Variants in NFE2L2 observed in about 807,000 individuals in gnomAD.
The protein encoded by NFE2L2 is nuclear factor erythroid 2-related factor 2.
A neutral mutation model predicts 49.6 loss-of-function variants in NFE2L2; 20 were observed. The observed-to-expected ratio is 0.40, with a 90% CI of 0.28 to 0.59. The LOEUF (loss-of-function observed/expected upper bound fraction) is 0.59, where lower values mean the gene tolerates loss of function less well. Among genes scored for constraint, NFE2L2 ranks in the 20% least tolerant of loss-of-function variants. NFE2L2 has a pLI of 0.40. For missense variants in NFE2L2, 578 were observed against 714.2 expected (o/e 0.81, Z 2.17); for synonymous variants, 244 against 256.5 (o/e 0.95, Z 0.47).
chr2:177,232,156 T>C, intron 4 of NFE2L2, 148 bp from the exon 5 acceptor site: 5 of 954,682 alleles, frequency 5.2e-6, no homozygotes, highest in Admixed American at 3.0e-5. Context: ...TCATTTCCAA[T>C]ACATATTTAC....
intron 1 of NFE2L2, chr2:177,263,889 T>C (rs960402301): frequency 1.0e-6 from 1 of 985,268 alleles, no homozygotes; most frequent in African/African-American, 1.7e-5. Flanking sequence ...GGGCTGGGCT[T>C]TCAAGAGAGC....
rs1255280205 is a variant in NFE2L2 at position 177,249,161 on chromosome 2, G to A, written c.46-14890C>T. Among the ~76,000 whole-genome samples, 8 of 152,144 alleles carry A rather than the reference G, an allele frequency of 5.3e-5. No individual in the cohort carries two copies. The East Asian group carries it at 1.5e-3, about 29-fold the overall frequency. On this transcript the variant is annotated intron_variant, in intron 1 of 4. Coordinates refer to ENST00000397062, the MANE Select transcript of NFE2L2 (RefSeq NM_006164.5). ...TGGAGCCCAGGAGGTTGAGGCTGCA[G>A]TGAACCATGTTTCTGCCACTATACT...
At chr2:177,245,607 A>G (rs537997838) in intron 1 of NFE2L2, among the ~76,000 whole-genome samples, 2 of 151,162 alleles carry the variant, frequency 1.3e-5, no homozygotes, top group African/African-American at 4.9e-5. Context: ...TGGGCCAGGT[A>G]TTGTAGTCTT....
At chr2:177,237,416 A>G (rs1187693296) in intron 1 of NFE2L2, among the ~76,000 whole-genome samples, 1 of 152,248 alleles carries the variant, frequency 6.6e-6, no homozygotes, top group East Asian at 1.9e-4. Flanking sequence ...TAGGTATGAG[A>G]ATAATTTCTA....
chr2:177,260,788 G>T (rs1227782958), intron 1 of NFE2L2, among the ~76,000 whole-genome samples: 5 of 115,498 alleles, frequency 4.3e-5, no homozygotes, highest in African/African-American at 1.1e-4. Flanking sequence ...GTAGCTAAGA[G>T]ATTTAATTAA....
At chr2:177,261,053 C>A (rs1331777516) in intron 1 of NFE2L2, among the ~76,000 whole-genome samples, 1 of 151,608 alleles carries the variant, frequency 6.6e-6, no homozygotes, top group Non-Finnish European at 1.5e-5. Flanking sequence ...TGCCTATAAT[C>A]CCAGCTACTC....
intron 1 of NFE2L2, among the ~76,000 whole-genome samples, chr2:177,259,569 T>C (rs1238769663): frequency 6.6e-6 from 1 of 152,268 alleles, no homozygotes; most frequent in East Asian, 1.9e-4. Context: ...CACAGAAGGC[T>C]CAAACTTTAG....
intron 1 of NFE2L2, among the ~76,000 whole-genome samples, chr2:177,251,232 G>C (rs1325627772): frequency 6.6e-6 from 1 of 152,184 alleles, no homozygotes; most frequent in Non-Finnish European, 1.5e-5. Flanking sequence ...TATTACAAAA[G>C]AAGTGTCTTA....
intron 1 of NFE2L2, among the ~76,000 whole-genome samples, chr2:177,258,083 G>A (rs1163892475): frequency 6.6e-6 from 1 of 152,158 alleles, no homozygotes; most frequent in Non-Finnish European, 1.5e-5. Context: ...GATATGGCCT[G>A]GGCATTAGTT....
chr2:177,243,689 A>G (rs1690017852), intron 1 of NFE2L2, among the ~76,000 whole-genome samples: 1 of 152,060 alleles, frequency 6.6e-6, no homozygotes. Context: ...TATTTTTTGT[A>G]GAGATGGTTC....
intron 1 of NFE2L2, among the ~76,000 whole-genome samples, chr2:177,249,743 A>T (rs1362198120): frequency 6.6e-6 from 1 of 152,260 alleles, no homozygotes; most frequent in Non-Finnish European, 1.5e-5. Flanking sequence ...ACACACTACA[A>T]GAAATCTTAC....
chr2:177,233,887 T>C, intron 2 of NFE2L2, 118 bp downstream of exon 2: 2 of 1,372,344 alleles, frequency 1.5e-6, no homozygotes, highest in Non-Finnish European at 2.0e-6. Context: ...GGAAAGTAGA[T>C]TTGACAAGGT....
intron 1 of NFE2L2, among the ~76,000 whole-genome samples, chr2:177,248,935 A>G (rs976056735): frequency 6.6e-6 from 1 of 152,096 alleles, no homozygotes; most frequent in African/African-American, 2.4e-5. Context: ...AAAACTGCCA[A>G]AACAGGCATG....
chr2:177,247,161 T>G (rs919219393), intron 1 of NFE2L2, among the ~76,000 whole-genome samples: 22 of 152,116 alleles, frequency 1.4e-4, no homozygotes, highest in African/African-American at 4.8e-4. Flanking sequence ...AGACTGTACC[T>G]TTTACACTCG....
At chr2:177,263,677 T>C in intron 1 of NFE2L2, 3 of 985,456 alleles carry the variant, frequency 3.0e-6, no homozygotes, top group Non-Finnish European at 3.6e-6. Context: ...GCGTCCGAAC[T>C]AGAAGCCCCG....
chr2:177,238,868 A>T (rs1462721490), intron 1 of NFE2L2, among the ~76,000 whole-genome samples: 2 of 152,254 alleles, frequency 1.3e-5, no homozygotes, highest in Non-Finnish European at 2.9e-5. Context: ...TTAATAAGCA[A>T]ATTAGAAGTT....
At chr2:177,264,213 A>G (rs1690855316) in intron 1 of NFE2L2, 1 of 299,824 alleles carries the variant, frequency 3.3e-6, no homozygotes, top group South Asian at 9.4e-5. Flanking sequence ...GGGGCTCCGG[A>G]GTCCCAGCTC....
chr2:177,258,449 G>A (rs187416832), intron 1 of NFE2L2, among the ~76,000 whole-genome samples: 87 of 152,200 alleles, frequency 5.7e-4, no homozygotes, highest in Non-Finnish European at 1.6e-4. Flanking sequence ...GAGAGTTGAG[G>A]GGAAATGGGA....
At chr2:177,232,625 A>C (rs755606257) in intron 3 of NFE2L2, 42 bp from the exon 4 acceptor site, 1 of 1,591,944 alleles carries the variant, frequency 6.3e-7, no homozygotes, top group African/African-American at 1.3e-5. Flanking sequence ...TTCCACCAAC[A>C]GGGGATGAGT....
Sources: allele counts gnomAD v4.1 joint callset (sites outside exome capture counted in the v4.1 genomes callset), GRCh38; gene constraint gnomAD v4.1.1; transcripts MANE v1.5; gene names NCBI Gene and HGNC (gene_info 2026-07-23, HGNC 2026-07-21).